The following HKDC1 variants were observed in gnomAD, a reference collection of about 807,000 sequenced individuals.
HKDC1 encodes hexokinase HKDC1.
A neutral mutation model predicts 96.6 loss-of-function variants in HKDC1; 66 were observed. The observed-to-expected ratio is 0.68, with a 90% CI of 0.56 to 0.84. The LOEUF is 0.84. HKDC1 is among the 40% of genes least tolerant of loss of function. HKDC1 has a pLI of 0.00. For missense variants in HKDC1, 1,211 were observed against 1,208.1 expected (o/e 1.00, Z -0.04); for synonymous variants, 466 against 473.1 (o/e 0.98, Z 0.20).
intron 17 of HKDC1, 129 bp downstream of exon 17, chr10:69,265,947 G>A (rs1161689366): frequency 4.3e-6 from 3 of 691,974 alleles, no homozygotes; most frequent in East Asian, 5.5e-5. Context: ...AAGGAGTGCT[G>A]TGTGGTCAAG....
chr10:69,230,675 G>A (rs187910581), intron 2 of HKDC1, among the ~76,000 whole-genome samples: 2 of 152,298 alleles, frequency 1.3e-5, no homozygotes, highest in East Asian at 1.9e-4. Flanking sequence ...GTGCAATGGA[G>A]CCATCATAGA....
Position 69,252,503 on chromosome 10 carries a change from C to A in HKDC1, c.1836+1851C>A, listed in dbSNP as rs541205398. ...TACTAAAAATACAAAAAAATTAGCC[C>A]GGCGTGGTGGCAGGTGCCTGTAGTC... is the stretch of plus-strand genomic sequence containing the variant. On this transcript the variant is annotated intron_variant, in intron 12 of 17. Transcript: ENST00000354624. Among the ~76,000 whole-genome samples the A allele has an allele frequency of 1.7e-3, 259 of 151,908 alleles. 1 individual carries two copies. Among genetic ancestry groups the A allele is most frequent in the African/African-American group, 6.2e-3 (255 of 41,442 alleles).
intron 1 of HKDC1, among the ~76,000 whole-genome samples, chr10:69,222,082 C>T (rs1170031116): frequency 3.9e-5 from 6 of 152,062 alleles, no homozygotes; most frequent in Non-Finnish European, 7.4e-5. Context: ...ATTAGCTGGG[C>T]GTGGTGGAGT....
intron 1 of HKDC1, among the ~76,000 whole-genome samples, chr10:69,226,467 C>T (rs190058492): frequency 3.3e-5 from 5 of 151,622 alleles, no homozygotes; most frequent in East Asian, 1.9e-4. Context: ...GCCAACATGG[C>T]GAAACCCCAT....
At chr10:69,239,496 G>T (rs531606844) in intron 5 of HKDC1, among the ~76,000 whole-genome samples, 2 of 152,172 alleles carry the variant, frequency 1.3e-5, no homozygotes, top group Non-Finnish European at 2.9e-5. Context: ...TTCCGGGCTG[G>T]TTCCATATTC....
At chr10:69,247,324 A>G (rs767335636) in intron 8 of HKDC1, 36 bp from the exon 9 acceptor site, 3 of 1,418,154 alleles carry the variant, frequency 2.1e-6, no homozygotes, top group Non-Finnish European at 1.0e-6. Flanking sequence ...AGTGGGATGG[A>G]GAAGTGTCGT....
intron 12 of HKDC1, among the ~76,000 whole-genome samples, chr10:69,256,715 A>G (rs1199471685): frequency 2.6e-5 from 4 of 152,198 alleles, no homozygotes; most frequent in South Asian, 4.1e-4. Flanking sequence ...TCAAAAAAAA[A>G]AAGAAAGAAA....
Position 69,227,263 on chromosome 10 carries a change from G to C in HKDC1, c.120G>C (p.Met40Ile), listed in dbSNP as rs769706917. 6.2e-7 allele frequency: 1 copy of C among 1,614,186 alleles called. No homozygotes were observed. Among genetic ancestry groups the C allele is most frequent in the Non-Finnish European group, 8.5e-7 (1 of 1,180,034 alleles). The change falls in exon 2 of 18, where the codon ATG (methionine) becomes ATC (isoleucine). Residue 40 changes from methionine to isoleucine, a missense_variant. By Grantham distance (10) the Met-to-Ile change is conservative. Transcript: ENST00000354624. Reference protein sequence around the residue: ...RLSDDTLLDIMRRFRAEMEKG... With the variant: ...RLSDDTLLDIIRRFRAEMEKG... The stretch of plus-strand genomic sequence containing the variant: ...CCGATGACACCCTTTTGGACATCAT[G>C]AGGCGGTTCCGGGCTGAGATGGAGA...
chr10:69,227,478 C>T lies in HKDC1; in HGVS notation c.226+109C>T, dbSNP rs555319490. On this transcript the variant is annotated intron_variant, in intron 2 of 17. Coordinates refer to ENST00000354624, the MANE Select transcript of HKDC1 (RefSeq NM_025130.4). ...TTGGCTTCTCTCTCTAGCCCTCTCT[C>T]TGCTGTCCCACCCTCCCTGCCCCTC... is the stretch of plus-strand genomic sequence containing the variant. 53 of 1,185,458 alleles carry T rather than the reference C, an allele frequency of 4.5e-5. No individual in the cohort carries two copies. The African/African-American group carries it at 6.8e-4, about 15-fold the overall frequency. 73.4% of individuals were successfully genotyped at this position (1,185,458 alleles called of 1,614,324 possible).
intron 2 of HKDC1, among the ~76,000 whole-genome samples, chr10:69,229,490 G>A (rs1187109723): frequency 6.6e-6 from 1 of 152,200 alleles, no homozygotes; most frequent in Non-Finnish European, 1.5e-5. Flanking sequence ...AGGGCATCTG[G>A]GGCCCCTGGG....
chr10:69,255,051 C>T (rs1199953564), intron 12 of HKDC1, among the ~76,000 whole-genome samples: 4 of 152,224 alleles, frequency 2.6e-5, no homozygotes, highest in Non-Finnish European at 5.9e-5. Context: ...CGGGAGGGTG[C>T]CGTGTGCAGC....
chr10:69,261,981 T>C (rs1843817232), intron 16 of HKDC1: 14 of 307,304 alleles, frequency 4.6e-5, no homozygotes, highest in South Asian at 3.5e-4. Context: ...GATGCTTAAT[T>C]AGATTCAGTA....
chr10:69,226,522 G>A (rs1207845066), intron 1 of HKDC1, among the ~76,000 whole-genome samples: 1 of 152,086 alleles, frequency 6.6e-6, no homozygotes, highest in Non-Finnish European at 1.5e-5. Context: ...GGGCCTGGTG[G>A]CACCTGCCTG....
intron 15 of HKDC1, 43 bp downstream of exon 15, chr10:69,259,002 A>C: frequency 7.0e-7 from 1 of 1,426,202 alleles, no homozygotes; most frequent in Non-Finnish European, 9.3e-7. Context: ...TTGTGTAGTG[A>C]ACAACACTAC....
chr10:69,232,391 G>T, intron 2 of HKDC1: 1 of 215,004 alleles, frequency 4.7e-6, no homozygotes, highest in Non-Finnish European at 9.3e-6. Context: ...GTTTCCCCAG[G>T]CTGGGAGCAC....
intron 4 of HKDC1, among the ~76,000 whole-genome samples, chr10:69,233,897 C>CAGAAAAAAAAA (rs1554866198): frequency 1.6e-5 from 1 of 61,488 alleles, no homozygotes; most frequent in African/African-American, 7.3e-5. Context: ...GACTCCGTCT[C>CAGAAAAAAAAA]AAAAAAAAAA....
At position 69,233,037 on chromosome 10, in the gene HKDC1, T is replaced by A. The variant is rs1843296510; in HGVS notation, c.399T>A (p.Cys133Ter). 7.4e-6 allele frequency: 12 copies of A among 1,614,054 alleles called. No homozygotes were observed. Among genetic ancestry groups the A allele is most frequent in the Non-Finnish European group, 1.0e-5 (12 of 1,180,054 alleles). ...GTELFEYVAD[C>*]LADFMKTKDL... The stretch of plus-strand genomic sequence containing the variant: ...AGCTGTTTGAATATGTAGCTGACTG[T>A]CTGGCAGATTTCATGAAGACCAAAG... The change falls in exon 4 of 18, where the codon TGT becomes TGA. Residue 133 changes from cysteine to a stop codon, truncating the protein, a stop_gained. Transcript: ENST00000354624. LOFTEE classifies it high-confidence loss of function.
At chr10:69,265,130 G>C (rs924283590) in intron 16 of HKDC1, among the ~76,000 whole-genome samples, 1 of 152,218 alleles carries the variant, frequency 6.6e-6, no homozygotes, top group Non-Finnish European at 1.5e-5. Context: ...TAGAAGGAAA[G>C]TTGGCCTCCA....
chr10:69,247,519 C>T lies in HKDC1; in HGVS notation c.1191C>T (p.Leu397=). 1.9e-6 allele frequency: 3 copies of T among 1,614,146 alleles called. No individual in the cohort carries two copies. Among genetic ancestry groups the T allele is most frequent in the Non-Finnish European group, 2.5e-6 (3 of 1,180,014 alleles). The change falls in exon 9 of 18, where the codon CTC becomes CTT. Residue 397 remains leucine (L), a synonymous_variant. Transcript: ENST00000354624. ...CTCTGGCGGCCATCCTGACACGCCT[C>T]CGGGAGAACAAGAAGGTGGAACGGC... ...AAALAAILTR[L]RENKKVERLR... is the part of the protein sequence containing the mutation.
Sources: allele counts gnomAD v4.1 joint callset (sites outside exome capture counted in the v4.1 genomes callset), GRCh38; gene constraint gnomAD v4.1.1; transcripts MANE v1.5; gene names NCBI Gene and HGNC (gene_info 2026-07-23, HGNC 2026-07-21).